MCF2L: variants seen among roughly 807,000 people sequenced by gnomAD.
The protein encoded by MCF2L is guanine nucleotide exchange factor DBS.
In MCF2L, 97 loss-of-function variants were observed where a neutral mutation model predicts 153.4. That is an observed-to-expected ratio of 0.63 (90% CI 0.54 to 0.75). The LOEUF (loss-of-function observed/expected upper bound fraction) is 0.75. Ranked by LOEUF, MCF2L falls within the 30% of genes least tolerant of loss-of-function variation. The pLI is 0.00. For synonymous variants in MCF2L, 659 were observed against 632.2 expected, an observed-to-expected ratio of 1.04 and a Z score of -0.64; for missense variants, 1,347 against 1,495.2, an observed-to-expected ratio of 0.90 and a Z score of 1.64.
intron 3 of MCF2L, among the ~76,000 whole-genome samples, chr13:113,033,379 G>A (rs1231504508): frequency 5.1e-5 from 6 of 116,916 alleles, no homozygotes; most frequent in Non-Finnish European, 5.3e-5. Flanking sequence ...CCCCCGTGAC[G>A]TGAGTGGCCC....
intron 1 of MCF2L, among the ~76,000 whole-genome samples, chr13:112,992,945 C>CAGTATT (rs2082949340): frequency 6.6e-6 from 1 of 152,250 alleles, no homozygotes; most frequent in Admixed American, 6.5e-5. Context: ...AGGTCAGACC[C>CAGTATT]TGGTGCAAAC....
At chr13:112,915,218 G>A (rs2081278507) in intron 2 of MCF2L, among the ~76,000 whole-genome samples, 1 of 151,690 alleles carries the variant, frequency 6.6e-6, no homozygotes. Context: ...GACCACCCTG[G>A]CTAACACGGT....
intron 2 of MCF2L, chr13:112,902,466 T>C (rs551109188): frequency 1.2e-4 from 162 of 1,300,496 alleles, no homozygotes; most frequent in African/African-American, 6.4e-4. Flanking sequence ...TTTTAGAGAT[T>C]GACAAGGTTT....
At position 113,065,041 on chromosome 13, in the gene MCF2L, A is replaced by G; in HGVS notation, c.712A>G (p.Ser238Gly). The change falls in exon 7 of 30, where the codon AGC becomes GGC. Residue 238 changes from serine to glycine, a missense_variant. Physicochemically the swap from Ser to Gly is moderately conservative, Grantham distance 56. This residue lies in a region of MCF2L where 820 missense variants were observed against 921.2 expected (regional missense o/e 0.89). Coordinates refer to ENST00000535094, the MANE Select transcript of MCF2L (RefSeq NM_001112732.3). ...GCTGCCCAATGACGTCCAGTCGACA[A>G]GCTCAGTGCTGTGTGCGCACACAGA... is the stretch of plus-strand genomic sequence containing the variant. The part of the protein sequence containing the change: ...TELPNDVQST[S>G]SVLCAHTEKK... 1.2e-6 allele frequency: 2 copies of G among 1,611,386 alleles called. No homozygotes were observed. The highest frequency in any genetic ancestry group is 1.7e-6 in the Non-Finnish European group (2 of 1,179,726).
At chr13:113,019,448 A>G (rs886233183) in intron 2 of MCF2L, among the ~76,000 whole-genome samples, 8 of 152,212 alleles carry the variant, frequency 5.3e-5, no homozygotes, top group Admixed American at 2.0e-4. Flanking sequence ...AGACAGACAG[A>G]CGTTCCCTGC....
chr13:113,010,042 C>T (rs766246022), intron 1 of MCF2L: 1 of 152,442 alleles, frequency 6.6e-6, no homozygotes, highest in Non-Finnish European at 1.5e-5. Flanking sequence ...ACGGGGTTTC[C>T]TGCTGCACCT....
chr13:112,928,117 GT>G (rs1240386583), intron 2 of MCF2L, among the ~76,000 whole-genome samples: 1 of 152,216 alleles, frequency 6.6e-6, no homozygotes, highest in Non-Finnish European at 1.5e-5. Flanking sequence ...TTTTAGGAAT[GT>G]TTACTGAACT....
In MCF2L at chr13:113,024,716, A is replaced by G. The variant is rs1049545569; in HGVS notation, c.236A>G (p.Lys79Arg). Residue 79 changes from lysine (K) to arginine (R), a missense_variant, in exon 3 of 30, where the codon AAG becomes AGG. Transcript: ENST00000535094. The stretch of plus-strand genomic sequence containing the variant: ...CCGGCCTTCAGCGAGATTCCGGACA[A>G]GGAGTTCCAGAATGTCATGACCTAC... The part of the protein sequence containing the change: ...DYPAFSEIPD[K>R]EFQNVMTYLT... 5 of 1,614,088 alleles carry G rather than the reference A, an allele frequency of 3.1e-6. No homozygotes were observed. Among genetic ancestry groups the G allele is most frequent in the African/African-American group, 1.3e-5 (1 of 74,944 alleles).
At chr13:113,066,793 G>A (rs1359658078) in intron 8 of MCF2L, among the ~76,000 whole-genome samples, 2 of 150,834 alleles carry the variant, frequency 1.3e-5, no homozygotes, top group Non-Finnish European at 2.9e-5. Flanking sequence ...TATCAGCCCT[G>A]CCTCCGAGCT....
At position 113,064,525 on chromosome 13, in the gene MCF2L, T is replaced by C; in HGVS notation, c.606+105T>C. 1 of 721,274 alleles carries C rather than the reference T, an allele frequency of 1.4e-6. No individual in the cohort carries two copies. The highest frequency in any genetic ancestry group is 2.4e-6 in the Non-Finnish European group (1 of 410,082). The allele number at this position is 721,274 out of a possible 1,614,324, so 44.7% of individuals were successfully genotyped here. On this transcript the variant is annotated intron_variant, in intron 6 of 29. Coordinates refer to ENST00000535094, the MANE Select transcript of MCF2L (RefSeq NM_001112732.3). The surrounding 1 kb of genome is among the most constrained non-coding windows in gnomAD (Gnocchi z 6.0). ...GCCCTTTCCAAAAACACATTCACATTAACAGTCGTTTTCTTTCCCAAGAAT... is the reference window on the plus strand; with the variant it reads ...GCCCTTTCCAAAAACACATTCACATCAACAGTCGTTTTCTTTCCCAAGAAT...
intron 1 of MCF2L, among the ~76,000 whole-genome samples, chr13:112,988,131 G>C (rs1000868791): frequency 1.3e-5 from 2 of 152,180 alleles, no homozygotes; most frequent in East Asian, 3.9e-4. Flanking sequence ...CACCGATTCA[G>C]AGGGAAGTCG....
chr13:112,966,002 G>A (rs543760974), upstream of MCF2L: 2 of 152,224 alleles, frequency 1.3e-5, no homozygotes, highest in Non-Finnish European at 2.9e-5. This position sits in a 1 kb window ranked among gnomAD's most constrained non-coding sequence, Gnocchi z 4.1. Flanking sequence ...TTGTGCCTCT[G>A]TGTGGCCTGG....
At chr13:113,034,075 A>G (rs992588934) in intron 3 of MCF2L, 1 of 166,600 alleles carries the variant, frequency 6.0e-6, no homozygotes, top group South Asian at 2.1e-4. Flanking sequence ...GTGGCCATTT[A>G]AATGTAAAAT....
chr13:112,996,275 G>A (rs959921834), intron 1 of MCF2L, among the ~76,000 whole-genome samples: 7 of 152,188 alleles, frequency 4.6e-5, no homozygotes, highest in Admixed American at 2.6e-4. Context: ...AGCCGAGATC[G>A]CATTATTCCA....
rs547671797 is a variant in MCF2L, at chr13:113,020,153, TTTTAAGA to T, written c.164-4487_164-4481del. 2.5e-3 allele frequency among the ~76,000 whole-genome samples: 376 copies of T among 152,354 alleles called. 3 individuals are homozygous for T. The highest frequency in any genetic ancestry group is 8.7e-3 in the African/African-American group (360 of 41,580). ...GGAGGAGGTTTTTATTTAGTTCTTA[TTTTAAGA>T]TTTTTCTACCCGACAGTTAACTTAG... On this transcript the variant is annotated intron_variant, in intron 2 of 29. Coordinates refer to ENST00000535094, the MANE Select transcript of MCF2L (RefSeq NM_001112732.3).
intron 5 of MCF2L, among the ~76,000 whole-genome samples, chr13:113,061,854 C>T (rs868731452): frequency 5.7e-4 from 17 of 29,712 alleles, no homozygotes; most frequent in African/African-American, 2.3e-3. Context: ...CTCCTCCTCC[C>T]CTCCCCTCTT....
At chr13:113,073,506 A>C (rs34445586) in intron 9 of MCF2L, among the ~76,000 whole-genome samples, 55 of 152,340 alleles carry the variant, frequency 3.6e-4, no homozygotes, top group Non-Finnish European at 6.6e-4. Flanking sequence ...ACCCCAGGCC[A>C]TCTGAACTAC....
chr13:113,063,317 G>A (rs1165435952), intron 5 of MCF2L, among the ~76,000 whole-genome samples: 5 of 149,366 alleles, frequency 3.3e-5, no homozygotes, highest in East Asian at 2.0e-4. Flanking sequence ...GCCCCCATCC[G>A]CTCAGCTGCC....
intron 1 of MCF2L, chr13:113,002,108 C>T (rs2083414588): frequency 1.7e-6 from 2 of 1,208,448 alleles, no homozygotes; most frequent in Non-Finnish European, 2.2e-6. Flanking sequence ...GGGGCAGAAG[C>T]CCGGGGCTGG....
Sources: allele counts gnomAD v4.1 joint callset (sites outside exome capture counted in the v4.1 genomes callset), GRCh38; gene constraint gnomAD v4.1.1; regional missense constraint gnomAD v4.1.1; non-coding constraint Gnocchi (gnomAD v3.1); transcripts MANE v1.5; gene names NCBI Gene and HGNC (gene_info 2026-07-23, HGNC 2026-07-21).